The following JAK2 variants were observed in gnomAD, a reference collection of about 807,000 sequenced individuals.
JAK2 encodes Janus kinase 2.
JAK2 carries 86 observed loss-of-function variants against 139.3 expected under a neutral mutation model. The observed-to-expected ratio is 0.62, with a 90% CI of 0.52 to 0.74. The LOEUF (loss-of-function observed/expected upper bound fraction) is 0.74, where lower values mean the gene tolerates loss of function less well. Among genes scored for constraint, JAK2 ranks in the 30% least tolerant of loss-of-function variants. The pLI is 0.00. For missense variants in JAK2, 1,421 were observed against 1,360.3 expected, an observed-to-expected ratio of 1.04 and a Z score of -0.70; for synonymous variants, 490 against 437.7, an observed-to-expected ratio of 1.12 and a Z score of -1.49.
intron 22 of JAK2, chr9:5,100,713 A>C (rs533233986): frequency 6.6e-6 from 1 of 152,350 alleles, no homozygotes; most frequent in South Asian, 2.1e-4. Context: ...AAAGCAAATA[A>C]TTCTAGCACT....
chr9:5,000,076 A>G (rs1222114213), intron 2 of JAK2, among the ~76,000 whole-genome samples: 1 of 151,912 alleles, frequency 6.6e-6, no homozygotes, highest in Non-Finnish European at 1.5e-5. Flanking sequence ...TGAAATGCCT[A>G]TTTATGTTCA....
intron 2 of JAK2, among the ~76,000 whole-genome samples, chr9:5,005,014 G>A (rs533212941): frequency 6.3e-5 from 9 of 142,260 alleles, no homozygotes; most frequent in South Asian, 2.4e-4. Context: ...CCTCCCAAGC[G>A]CAAGTGATCC....
intron 22 of JAK2, among the ~76,000 whole-genome samples, chr9:5,115,489 G>A (rs1023112061): frequency 1.3e-5 from 2 of 152,172 alleles, no homozygotes; most frequent in African/African-American, 4.8e-5. Context: ...CAACCATTGT[G>A]GAAGACAGTG....
Position 4,996,773 on chromosome 9 carries a change from A to C in JAK2, c.-26+10751A>C, listed in dbSNP as rs552385968. On this transcript the variant is annotated intron_variant, in intron 2 of 24. Coordinates refer to ENST00000381652, the MANE Select transcript of JAK2 (RefSeq NM_004972.4). ...ATTGGATTATATTTACTATTATGAAAATTTAAAATTATTAGAAGTAAAATG... is the reference window on the plus strand; with the variant it reads ...ATTGGATTATATTTACTATTATGAACATTTAAAATTATTAGAAGTAAAATG... Among the ~76,000 whole-genome samples the C allele has an allele frequency of 1.3e-3, 198 of 152,212 alleles. 1 individual carries two copies. Among genetic ancestry groups the C allele is most frequent in the Non-Finnish European group, 2.4e-3 (164 of 68,018 alleles).
At chr9:4,999,085 A>C (rs1820778060) in intron 2 of JAK2, among the ~76,000 whole-genome samples, 2 of 151,976 alleles carry the variant, frequency 1.3e-5, no homozygotes, top group Admixed American at 6.6e-5. Flanking sequence ...TCGGCCTCCC[A>C]AAGTGCTGGG....
chr9:5,104,334 G>C (rs1821778518), intron 22 of JAK2, among the ~76,000 whole-genome samples: 1 of 152,042 alleles, frequency 6.6e-6, no homozygotes, highest in South Asian at 2.1e-4. Flanking sequence ...TAAATTCCTG[G>C]ACACATACAC....
chr9:5,042,986 G>T (rs562700618), intron 4 of JAK2, among the ~76,000 whole-genome samples: 7 of 152,212 alleles, frequency 4.6e-5, no homozygotes, highest in South Asian at 2.1e-4. Context: ...CAGAAGCTGA[G>T]GGGGGTGGGC....
At chr9:4,996,314 G>A (rs1820557247) in intron 2 of JAK2, among the ~76,000 whole-genome samples, 1 of 152,122 alleles carries the variant, frequency 6.6e-6, no homozygotes, top group Non-Finnish European at 1.5e-5. Context: ...CAGGTGTGGT[G>A]GTGCATGCCT....
At chr9:4,988,159 T>G (rs754018491) in intron 2 of JAK2, among the ~76,000 whole-genome samples, 49 of 152,168 alleles carry the variant, frequency 3.2e-4, no homozygotes, top group Admixed American at 7.9e-4. Context: ...TTTCCCACCC[T>G]TCCCCACTCC....
intron 22 of JAK2, among the ~76,000 whole-genome samples, chr9:5,102,714 C>T (rs1821608064): frequency 6.6e-6 from 1 of 152,168 alleles, no homozygotes; most frequent in South Asian, 2.1e-4. Context: ...ACTCTACAAG[C>T]CAGAAGAGAG....
chr9:5,095,579 C>G (rs554457799), intron 22 of JAK2, among the ~76,000 whole-genome samples: 15 of 152,234 alleles, frequency 9.9e-5, no homozygotes, highest in Non-Finnish European at 1.9e-4. Flanking sequence ...CCAGAAGTAA[C>G]CCAGGGAACT....
chr9:5,078,505 G>A (rs2130592927), intron 16 of JAK2, 61 bp downstream of exon 16: 3 of 1,280,966 alleles, frequency 2.3e-6, no homozygotes. Context: ...TGGTGTAAAG[G>A]GCATGTTGTT....
chr9:5,068,040 G>C (rs1395642958), intron 10 of JAK2, among the ~76,000 whole-genome samples: 1 of 151,966 alleles, frequency 6.6e-6, no homozygotes, highest in Non-Finnish European at 1.5e-5. Context: ...CGCACCTGTA[G>C]TCCCAGCTAC....
Position 5,109,931 on chromosome 9 carries a change from C to CT in JAK2, c.3060-13072dup, listed in dbSNP as rs1822304467. ...GAATCATGTCTTTCTTACTAACTGG[C>CT]TGACAATATGGCCGAGCAGATGCTA... On this transcript the variant is annotated intron_variant, in intron 22 of 24. Coordinates refer to ENST00000381652, the MANE Select transcript of JAK2 (RefSeq NM_004972.4). 3 of 152,164 alleles carry CT rather than the reference C, an allele frequency of 2.0e-5. No homozygotes were observed. In the South Asian group the frequency reaches 6.2e-4, roughly 32 times the overall value. 9.4% of individuals were successfully genotyped at this position (152,164 alleles called of 1,614,324 possible). A position where few individuals can be genotyped will look rare whatever the true frequency, so the allele number is the denominator to read the frequency against.
rs1295787985 is a variant in JAK2 at position 5,129,303 on chromosome 9, T to C, written c.*2512T>C. 1.3e-5 allele frequency among the ~76,000 whole-genome samples: 2 copies of C among 152,236 alleles called. No individual in the cohort carries two copies. Among genetic ancestry groups the C allele is most frequent in the African/African-American group, 4.8e-5 (2 of 41,566 alleles). On this transcript the variant is annotated 3_prime_UTR_variant, in exon 25 of 25. Coordinates refer to ENST00000381652, the MANE Select transcript of JAK2 (RefSeq NM_004972.4). Reference sequence around the variant, plus strand: ...GTAAATATTCAGAAGCGATTTTCTTTTGCATTTTTACCTAACCAAGGAAAC... The same window carrying C: ...GTAAATATTCAGAAGCGATTTTCTTCTGCATTTTTACCTAACCAAGGAAAC...
chr9:5,113,059 C>T (rs1053509551), intron 22 of JAK2, among the ~76,000 whole-genome samples: 12 of 152,058 alleles, frequency 7.9e-5, no homozygotes, highest in African/African-American at 2.7e-4. Context: ...TCCAGGAGCT[C>T]CCTGGGACCC....
At chr9:5,122,898 T>C in intron 22 of JAK2, 106 bp from the exon 23 acceptor site, 4 of 709,358 alleles carry the variant, frequency 5.6e-6, no homozygotes, top group Non-Finnish European at 6.8e-6. Context: ...GTGATAACTC[T>C]TTTCTCTACA....
chr9:4,994,943 CGT>C (rs368477952), intron 2 of JAK2, among the ~76,000 whole-genome samples: 6 of 151,014 alleles, frequency 4.0e-5, no homozygotes, highest in East Asian at 1.9e-4. Flanking sequence ...TTTGTCAGGG[CGT>C]GTGTGTGTGT....
Position 5,015,518 on chromosome 9 carries a change from ATTCTTT to A in JAK2, c.-25-6431_-25-6426del, listed in dbSNP as rs150418594. 5.2e-3 allele frequency among the ~76,000 whole-genome samples: 770 copies of A among 148,116 alleles called. 9 individuals carry two copies. The highest frequency in any genetic ancestry group is 0.017 in the African/African-American group (657 of 39,644). ...TGCTGGTTGTAGTTGTGATCATTGTATTCTTTTTCTTTTTCTTTTCTTTTTTTTTTT... is the reference window on the plus strand; with the variant it reads ...TGCTGGTTGTAGTTGTGATCATTGTATTCTTTTTCTTTTCTTTTTTTTTTT... On this transcript the variant is annotated intron_variant, in intron 2 of 24. Transcript: ENST00000381652.
Sources: gnomAD v4.1 joint callset for allele counts (sites outside exome capture counted in the v4.1 genomes callset) on GRCh38, gnomAD v4.1.1 for gene constraint, MANE v1.5 for transcripts, NCBI Gene and HGNC (gene_info 2026-07-23, HGNC 2026-07-21) for gene names.